The following UBE2D2 variants were observed in gnomAD, a reference collection of about 807,000 sequenced individuals.
UBE2D2 encodes the protein ubiquitin conjugating enzyme E2 D2.
UBE2D2 carries 2 observed loss-of-function variants against 24.2 expected under a neutral mutation model. That is an observed-to-expected ratio of 0.08 (90% CI 0.03 to 0.26). The LOEUF (loss-of-function observed/expected upper bound fraction) is 0.26, where lower values mean the gene tolerates loss of function less well. UBE2D2 is among the 10% of genes least tolerant of loss of function. UBE2D2 has a pLI of 1.00. For missense variants in UBE2D2, 44 were observed against 177.6 expected (o/e 0.25, Z 4.28); for synonymous variants, 58 against 56.5 (o/e 1.03, Z -0.12).
chr5:139,548,971 C>T (rs1159653330), intron 1 of UBE2D2, among the ~76,000 whole-genome samples: 1 of 151,996 alleles, frequency 6.6e-6, no homozygotes, highest in Admixed American at 6.6e-5. Flanking sequence ...GCCTCAGCCT[C>T]CTGAGTAGCT....
At chr5:139,559,753 C>G (rs1391014048), upstream of UBE2D2, among the ~76,000 whole-genome samples, 1 of 152,122 alleles carries the variant, frequency 6.6e-6, no homozygotes, top group African/African-American at 2.4e-5. Flanking sequence ...AAGGTCCTTT[C>G]TGGATGTAGC....
At chr5:139,582,392 G>T (rs529096722) in intron 1 of UBE2D2, among the ~76,000 whole-genome samples, 34 of 151,602 alleles carry the variant, frequency 2.2e-4, no homozygotes, top group South Asian at 6.3e-4. Context: ...TGTATTTTTA[G>T]TAGAGACGGG....
At chr5:139,547,841 C>A (rs948518140) in intron 1 of UBE2D2, among the ~76,000 whole-genome samples, 1 of 151,876 alleles carries the variant, frequency 6.6e-6, no homozygotes, top group Admixed American at 6.6e-5. Context: ...ATTACAGGCG[C>A]CTGCCACCAC....
At chr5:139,578,476 A>G (rs1460661446) in intron 1 of UBE2D2, among the ~76,000 whole-genome samples, 2 of 148,318 alleles carry the variant, frequency 1.3e-5, no homozygotes, top group African/African-American at 4.9e-5. Context: ...GTGTTTTGAC[A>G]GGGTCTTGCT....
At position 139,529,997 on chromosome 5, in the gene UBE2D2, C is replaced by T. The variant is rs1752582473; in HGVS notation, c.-64+3385C>T. Among the ~76,000 whole-genome samples, 3 of 152,100 alleles carry T rather than the reference C, an allele frequency of 2.0e-5. No homozygotes were observed. In the South Asian group the frequency reaches 6.2e-4, roughly 32 times the overall value. On this transcript the variant is annotated intron_variant, in intron 1 of 6. Transcript: ENST00000511725. ...TGAATTCCCAGCCCAAAAGAACCAC[C>T]CTGACAATTTTTGGGTTCTAAAAGT...
In UBE2D2 at chr5:139,561,599, T is replaced by C. The variant is rs1411709989; in HGVS notation, c.-193T>C. ...AAGGGGCCGCCGCCGGGTGATGCGG[T>C]GACCGCTGCGGCAGGCCCAGGAGCT... On this transcript the variant is annotated 5_prime_UTR_variant, in exon 1 of 7. An upstream open reading frame in the 5' UTR loses its in-frame stop. Coordinates refer to ENST00000398733, the MANE Select transcript of UBE2D2 (RefSeq NM_003339.3). 2.3e-5 allele frequency: 10 copies of C among 439,998 alleles called. No individual in the cohort carries two copies. Among genetic ancestry groups the C allele is most frequent in the Admixed American group, 4.4e-5 (1 of 22,728 alleles). The allele number at this position is 439,998 out of a possible 1,614,324, so 27.3% of individuals were successfully genotyped here. A position where few individuals can be genotyped will look rare whatever the true frequency, so the allele number is the denominator to read the frequency against.
upstream of UBE2D2, among the ~76,000 whole-genome samples, chr5:139,558,585 G>C (rs927408763): frequency 2.6e-5 from 4 of 152,096 alleles, no homozygotes; most frequent in Non-Finnish European, 5.9e-5. Flanking sequence ...ACCGCGCCCA[G>C]CCAATATATT....
chr5:139,603,646 A>AG lies in UBE2D2; in HGVS notation c.88+3213dup, dbSNP rs1400980283. Among the ~76,000 whole-genome samples, 24 of 141,600 alleles carry AG rather than the reference A, an allele frequency of 1.7e-4. No individual in the cohort carries two copies. The Middle Eastern group carries it at 0.011, about 66-fold the overall frequency. 92.9% of individuals were successfully genotyped at this position (141,600 alleles called of 152,430 possible). ...CCGAAAAAAAAAAAAAAAAAAAAAA[A>AG]GGCTGGGTGTGGTGTCTCACGTCTG... On this transcript the variant is annotated intron_variant, in intron 2 of 6. Transcript: ENST00000398733.
chr5:139,533,620 T>C (rs949623123), intron 1 of UBE2D2, among the ~76,000 whole-genome samples: 11 of 149,822 alleles, frequency 7.3e-5, no homozygotes, highest in Non-Finnish European at 1.5e-4. Flanking sequence ...CATTGCACTC[T>C]AGCCTGGGCA....
In UBE2D2 at chr5:139,626,752, A is replaced by G. The variant is rs766190332; in HGVS notation, c.399-4A>G. ...TTAAGCCAAGCTTCTCTTTGTGTGT[A>G]CAGGTACAACAGAATAGCTCGGGAA... On this transcript the variant is annotated splice_polypyrimidine_tract_variant and splice_region_variant and intron_variant, in intron 6 of 6. Coordinates refer to ENST00000398733, the MANE Select transcript of UBE2D2 (RefSeq NM_003339.3). The G allele has an allele frequency of 1.2e-6, 2 of 1,613,672 alleles. No individual in the cohort carries two copies. Among genetic ancestry groups the G allele is most frequent in the South Asian group, 2.2e-5 (2 of 91,056 alleles).
At chr5:139,618,098 T>G (rs904062551) in intron 5 of UBE2D2, among the ~76,000 whole-genome samples, 1 of 152,070 alleles carries the variant, frequency 6.6e-6, no homozygotes, top group African/African-American at 2.4e-5. Context: ...CTCAGCCTTC[T>G]GAGCAGCTGG....
intron 1 of UBE2D2, chr5:139,562,083 T>G (rs1173920574): frequency 1.1e-6 from 1 of 901,966 alleles, no homozygotes; most frequent in African/African-American, 1.7e-5. Flanking sequence ...TCTTAGGGCT[T>G]CTCTCCAGTC....
intron 1 of UBE2D2, among the ~76,000 whole-genome samples, chr5:139,530,375 A>T (rs1022625726): frequency 5.9e-5 from 9 of 152,336 alleles, no homozygotes; most frequent in Admixed American, 5.2e-4. Flanking sequence ...TAGGCTTCCC[A>T]GTCTATGCTT....
chr5:139,622,270 T>C (rs1450292208), intron 5 of UBE2D2, among the ~76,000 whole-genome samples: 2 of 151,688 alleles, frequency 1.3e-5, no homozygotes, highest in Non-Finnish European at 2.9e-5. Context: ...TGGAGATGGA[T>C]TTTTTGCTGT....
At chr5:139,590,782 C>CTTTTTTTTTTTTTTTTTTTT (rs57962602) in intron 1 of UBE2D2, among the ~76,000 whole-genome samples, 4 of 38,422 alleles carry the variant, frequency 1.0e-4, no homozygotes, top group Non-Finnish European at 2.1e-4. Flanking sequence ...TTCTCTTCTT[C>CTTTTTTTTTTTTTTTTTTTT]TTTTTTTTTT....
intron 1 of UBE2D2, among the ~76,000 whole-genome samples, chr5:139,548,184 T>TAAAAAAAAAAAAAAAAAAAAAAAAA (rs1420608616): frequency 6.4e-5 from 3 of 46,888 alleles, no homozygotes; most frequent in Non-Finnish European, 7.1e-5. Context: ...AAAAAAAAAA[T>TAAAAAAAAAAAAAAAAAAAAAAAAA]AAAAAAAAAA....
chr5:139,579,903 C>T lies in UBE2D2; in HGVS notation c.24+18088C>T, dbSNP rs867225618. Reference sequence around the variant, plus strand: ...TCTACTAAAGATACAAAAAATTAGCCGGGCATGGTGGCACGCGCCTGTAAT... The same window carrying T: ...TCTACTAAAGATACAAAAAATTAGCTGGGCATGGTGGCACGCGCCTGTAAT... On this transcript the variant is annotated intron_variant, in intron 1 of 6. Coordinates refer to ENST00000398733, the MANE Select transcript of UBE2D2 (RefSeq NM_003339.3). 4.9e-4 allele frequency among the ~76,000 whole-genome samples: 75 copies of T among 151,846 alleles called. 1 individual carries two copies. The highest frequency in any genetic ancestry group is 1.6e-3 in the African/African-American group (68 of 41,358).
intron 1 of UBE2D2, among the ~76,000 whole-genome samples, chr5:139,548,193 A>AAAAAAATAATAAAT: frequency 4.2e-5 from 2 of 47,106 alleles, no homozygotes; most frequent in Admixed American, 2.4e-4. Context: ...ATAAAAAAAA[A>AAAAAAATAATAAAT]AAATAAATAA....
At chr5:139,531,178 G>A (rs1752592583) in intron 1 of UBE2D2, among the ~76,000 whole-genome samples, 2 of 152,190 alleles carry the variant, frequency 1.3e-5, no homozygotes, top group African/African-American at 4.8e-5. Context: ...TAAAATCAAA[G>A]ACAGGCAGCC....
Sources: allele counts gnomAD v4.1 joint callset (sites outside exome capture counted in the v4.1 genomes callset), GRCh38; gene constraint gnomAD v4.1.1; transcripts MANE v1.5; gene names NCBI Gene and HGNC (gene_info 2026-07-23, HGNC 2026-07-21).